Variants in NME7 observed in about 807,000 individuals in gnomAD.
The protein encoded by NME7 is NME/NM23 family member 7, also known as nucleoside diphosphate kinase 7.
A neutral mutation model predicts 49.1 loss-of-function variants in NME7; 41 were observed. The observed-to-expected ratio is 0.83, with a 90% CI of 0.65 to 1.08. The LOEUF (loss-of-function observed/expected upper bound fraction) is 1.08. Among genes scored for constraint, NME7 ranks in the 50% least tolerant of loss-of-function variants. NME7 has a pLI of 0.00. For missense variants in NME7, 423 were observed against 463.4 expected (o/e 0.91, Z 0.80); for synonymous variants, 139 against 150.6 (o/e 0.92, Z 0.56).
intron 7 of NME7, 93 bp from the exon 8 acceptor site, chr1:169,237,780 G>C: frequency 1.2e-6 from 1 of 845,780 alleles, no homozygotes; most frequent in Non-Finnish European, 1.9e-6. Flanking sequence ...AGTACTTTTT[G>C]TTTATACTCT....
At chr1:169,261,997 T>TA (rs1173577057) in intron 7 of NME7, among the ~76,000 whole-genome samples, 1 of 134,150 alleles carries the variant, frequency 7.5e-6, no homozygotes, top group Non-Finnish European at 1.8e-5. Flanking sequence ...GGTAGAATGA[T>TA]ACATTGGTGG....
At chr1:169,307,076 T>C (rs1651198619) in intron 4 of NME7, among the ~76,000 whole-genome samples, 1 of 152,150 alleles carries the variant, frequency 6.6e-6, no homozygotes, top group African/African-American at 2.4e-5. Context: ...TGAGGCTCAG[T>C]GGATGGTAAA....
intron 7 of NME7, among the ~76,000 whole-genome samples, chr1:169,279,703 G>A (rs532700154): frequency 1.3e-4 from 20 of 152,266 alleles, no homozygotes; most frequent in Middle Eastern, 3.4e-3. Context: ...ACTGTCCTGC[G>A]CCCACTGTCT....
intron 3 of NME7, among the ~76,000 whole-genome samples, chr1:169,321,713 G>A (rs1651856441): frequency 6.6e-6 from 1 of 152,086 alleles, no homozygotes; most frequent in Admixed American, 6.6e-5. Flanking sequence ...GCTATAAAGT[G>A]CTTATACAGA....
At chr1:169,364,990 C>A (rs1007825462) in intron 1 of NME7, among the ~76,000 whole-genome samples, 8 of 152,158 alleles carry the variant, frequency 5.3e-5, no homozygotes, top group Non-Finnish European at 1.0e-4. Context: ...TCACCAATTG[C>A]TCCTTTAGAT....
Position 169,365,919 on chromosome 1 carries a change from T to C in NME7, c.3+1789A>G, listed in dbSNP as rs567882410. ...TTAGGTTATAATATAGTAGTAGCATTATTTAACTTGGTGAAAATAGGAGAA... is the reference window on the plus strand; with the variant it reads ...TTAGGTTATAATATAGTAGTAGCATCATTTAACTTGGTGAAAATAGGAGAA... On this transcript the variant is annotated intron_variant, in intron 1 of 11. Coordinates refer to ENST00000367811, the MANE Select transcript of NME7 (RefSeq NM_013330.5). 3.0e-3 allele frequency among the ~76,000 whole-genome samples: 453 copies of C among 152,332 alleles called. 2 individuals carry two copies. The highest frequency in any genetic ancestry group is 4.1e-3 in the Non-Finnish European group (277 of 68,034).
intron 11 of NME7, among the ~76,000 whole-genome samples, chr1:169,156,047 T>C (rs1451498736): frequency 1.3e-5 from 2 of 151,810 alleles, no homozygotes; most frequent in African/African-American, 4.8e-5. Context: ...CCAGGCATGG[T>C]GGCTCACACC....
intron 10 of NME7, among the ~76,000 whole-genome samples, chr1:169,216,342 A>T (rs1660973423): frequency 6.6e-6 from 1 of 152,204 alleles, no homozygotes; most frequent in Non-Finnish European, 1.5e-5. Context: ...ATCAGTGGCC[A>T]ATAATTTAAC....
At chr1:169,210,972 C>G in intron 10 of NME7, among the ~76,000 whole-genome samples, 1 of 150,230 alleles carries the variant, frequency 6.7e-6, no homozygotes, top group Non-Finnish European at 1.5e-5. Flanking sequence ...TATTGAATCC[C>G]TCATATAGAT....
intron 1 of NME7, among the ~76,000 whole-genome samples, chr1:169,365,266 C>T (rs180682905): frequency 9.3e-4 from 142 of 152,306 alleles, no homozygotes; most frequent in Middle Eastern, 3.4e-3. Context: ...TCCAAGCTGT[C>T]AGGGAGGCGG....
chr1:169,181,557 C>T lies in NME7; in HGVS notation c.991-12003G>A, dbSNP rs77308037. On this transcript the variant is annotated intron_variant, in intron 10 of 11. Transcript: ENST00000367811. The stretch of plus-strand genomic sequence containing the variant: ...AATTACCTTTCGCCTGTGTTTTCAA[C>T]CTTTCTCTTTTCAAGTTTATTTTAT... Among the ~76,000 whole-genome samples the T allele has an allele frequency of 6.2e-3, 939 of 152,170 alleles. 10 individuals are homozygous for T. The highest frequency in any genetic ancestry group is 0.021 in the African/African-American group (884 of 41,512).
At chr1:169,296,286 C>T (rs900464132) in intron 6 of NME7, among the ~76,000 whole-genome samples, 1 of 152,164 alleles carries the variant, frequency 6.6e-6, no homozygotes, top group Non-Finnish European at 1.5e-5. Context: ...CAATGATATC[C>T]ACATTGCAAA....
chr1:169,357,245 T>C (rs892454412), intron 1 of NME7, among the ~76,000 whole-genome samples: 2 of 152,088 alleles, frequency 1.3e-5, no homozygotes, highest in South Asian at 2.1e-4. Context: ...TCTTCTCTTT[T>C]TTCTTCCTCC....
intron 3 of NME7, among the ~76,000 whole-genome samples, chr1:169,314,044 A>G (rs1651514834): frequency 6.7e-6 from 1 of 149,136 alleles, no homozygotes. Flanking sequence ...AATGTAAGTG[A>G]AATAAAGACA....
chr1:169,194,248 G>A lies in NME7; in HGVS notation c.991-24694C>T, dbSNP rs115918132. On this transcript the variant is annotated intron_variant, in intron 10 of 11. Coordinates refer to ENST00000367811, the MANE Select transcript of NME7 (RefSeq NM_013330.5). ...TGGCACACATGGAATGGAAGGCAAGGGACAAGAAGGTGGGTTTGGAAGTAG... is the reference window on the plus strand; with the variant it reads ...TGGCACACATGGAATGGAAGGCAAGAGACAAGAAGGTGGGTTTGGAAGTAG... Among the ~76,000 whole-genome samples, 305 of 152,242 alleles carry A rather than the reference G, an allele frequency of 2.0e-3. 4 individuals are homozygous for A. Among genetic ancestry groups the A allele is most frequent in the African/African-American group, 7.1e-3 (296 of 41,544 alleles).
At chr1:169,142,360 A>G (rs1003771431) in intron 11 of NME7, among the ~76,000 whole-genome samples, 9 of 152,222 alleles carry the variant, frequency 5.9e-5, no homozygotes, top group African/African-American at 2.2e-4. Flanking sequence ...CCAGAATAAG[A>G]TAAGATGTGT....
intron 5 of NME7, among the ~76,000 whole-genome samples, chr1:169,299,368 A>G (rs1423515817): frequency 6.6e-6 from 1 of 152,154 alleles, no homozygotes; most frequent in Non-Finnish European, 1.5e-5. Context: ...AAGTGTACGC[A>G]TCGGTTCTTG....
intron 1 of NME7, among the ~76,000 whole-genome samples, chr1:169,362,225 TAAAC>T (rs1000452839): frequency 7.2e-5 from 11 of 152,098 alleles, no homozygotes; most frequent in Non-Finnish European, 1.6e-4. Context: ...AATAAATACA[TAAAC>T]AAACAAACAA....
chr1:169,291,203 A>G (rs1650487155), intron 6 of NME7, among the ~76,000 whole-genome samples: 1 of 152,204 alleles, frequency 6.6e-6, no homozygotes, highest in African/African-American at 2.4e-5. Context: ...GTAAAGACAC[A>G]TGCACACGTA....
Sources: gnomAD v4.1 joint callset for allele counts (sites outside exome capture counted in the v4.1 genomes callset) on GRCh38, gnomAD v4.1.1 for gene constraint, MANE v1.5 for transcripts, NCBI Gene and HGNC (gene_info 2026-07-23, HGNC 2026-07-21) for gene names.